The following FYN variants were observed in gnomAD, a reference collection of about 807,000 sequenced individuals.
The protein encoded by FYN is FYN proto-oncogene, Src family tyrosine kinase, also known as tyrosine-protein kinase Fyn.
A neutral mutation model predicts 70.2 loss-of-function variants in FYN; 10 were observed. The observed-to-expected ratio is 0.14, with a 90% confidence interval of 0.09 to 0.24. FYN has a LOEUF of 0.24. FYN is among the 10% of genes least tolerant of loss of function. The probability of loss-of-function intolerance (pLI) is 1.00; values close to 1 mark genes in which losing one functional copy is unlikely to be tolerated. For missense variants in FYN, 319 were observed against 673.1 expected, an observed-to-expected ratio of 0.47 and a Z score of 5.82; for synonymous variants, 236 against 248.6, an observed-to-expected ratio of 0.95 and a Z score of 0.48.
At chr6:111,728,825 T>C (rs1022098942) in intron 3 of FYN, among the ~76,000 whole-genome samples, 10 of 152,202 alleles carry the variant, frequency 6.6e-5, no homozygotes, top group African/African-American at 2.4e-4. Flanking sequence ...AGTTTTTCTG[T>C]GGAGATATGT....
chr6:111,818,789 T>G (rs1772568675), intron 2 of FYN: 1 of 152,252 alleles, frequency 6.6e-6, no homozygotes, highest in East Asian at 1.9e-4. Flanking sequence ...ATGCTGCTGC[T>G]TCTCTAAATT....
At chr6:111,721,430 G>C (rs546658459) in intron 3 of FYN, among the ~76,000 whole-genome samples, 1 of 152,126 alleles carries the variant, frequency 6.6e-6, no homozygotes, top group Admixed American at 6.5e-5. Context: ...TATTAAAGCC[G>C]ATCCCTCCTG....
At chr6:111,775,107 G>A (rs1027677315) in intron 3 of FYN, among the ~76,000 whole-genome samples, 3 of 152,214 alleles carry the variant, frequency 2.0e-5, no homozygotes, top group African/African-American at 4.8e-5. Flanking sequence ...AGGCTGTGGG[G>A]TGGGACCAAC....
At chr6:111,872,171 A>T (rs1420430006) in intron 1 of FYN, among the ~76,000 whole-genome samples, 1 of 152,076 alleles carries the variant, frequency 6.6e-6, no homozygotes, top group African/African-American at 2.4e-5. Flanking sequence ...GTCCCAGCAC[A>T]TCTCTGCTGG....
At chr6:111,662,492 C>CT (rs1491197956) in intron 13 of FYN, among the ~76,000 whole-genome samples, 1 of 152,144 alleles carries the variant, frequency 6.6e-6, no homozygotes, top group Admixed American at 6.5e-5. Flanking sequence ...CTGCCAACCC[C>CT]TGTTCTATAT....
Position 111,826,439 on chromosome 6 carries a change from A to C in FYN, c.-82+20150T>G, listed in dbSNP as rs576708177. ...TGCACATACCATTAAATCATTTAAA[A>C]AGAAAGCCTTCAAAAGGGTAATCTG... On this transcript the variant is annotated intron_variant, in intron 2 of 13. Coordinates refer to ENST00000354650, the MANE Select transcript of FYN (RefSeq NM_002037.5). 1.8e-3 allele frequency among the ~76,000 whole-genome samples: 268 copies of C among 152,302 alleles called. 1 individual carries two copies. The highest frequency in any genetic ancestry group is 6.2e-3 in the African/African-American group (259 of 41,556).
intron 2 of FYN, chr6:111,781,097 T>C (rs1013194778): frequency 6.6e-6 from 1 of 152,178 alleles, no homozygotes; most frequent in Non-Finnish European, 1.5e-5. Context: ...TAGGGATTAC[T>C]GTACTGACCT....
At chr6:111,818,957 T>G (rs1772575874) in intron 2 of FYN, among the ~76,000 whole-genome samples, 1 of 152,184 alleles carries the variant, frequency 6.6e-6, no homozygotes, top group Non-Finnish European at 1.5e-5. Context: ...ACTTGGTGGC[T>G]CTCAAGCTCA....
At chr6:111,797,400 T>C (rs1771839358) in intron 2 of FYN, among the ~76,000 whole-genome samples, 1 of 151,994 alleles carries the variant, frequency 6.6e-6, no homozygotes, top group African/African-American at 2.4e-5. Flanking sequence ...GTATAGAATT[T>C]TTATATTTTC....
At chr6:111,779,331 C>CAAAAAT (rs887155675) in intron 3 of FYN, among the ~76,000 whole-genome samples, 1 of 151,844 alleles carries the variant, frequency 6.6e-6, no homozygotes, top group African/African-American at 2.4e-5. Context: ...AGTCAAAGCT[C>CAAAAAT]AAAAATTTCA....
chr6:111,743,097 G>C (rs1802055331), intron 3 of FYN, among the ~76,000 whole-genome samples: 1 of 151,882 alleles, frequency 6.6e-6, no homozygotes, highest in African/African-American at 2.4e-5. Context: ...CTCCCGAGTA[G>C]CTGGAACTGC....
intron 3 of FYN, among the ~76,000 whole-genome samples, chr6:111,764,230 AAAG>A (rs1803128576): frequency 3.4e-5 from 5 of 145,450 alleles, no homozygotes; most frequent in Admixed American, 2.7e-4. Context: ...AAAAAAAAAA[AAAG>A]AAAAGAAAAA....
At chr6:111,801,184 G>A (rs574120484) in intron 2 of FYN, among the ~76,000 whole-genome samples, 1 of 152,166 alleles carries the variant, frequency 6.6e-6, no homozygotes, top group Non-Finnish European at 1.5e-5. Context: ...GCTGCAGGTG[G>A]CCAAGCAACG....
chr6:111,810,484 A>G (rs947579042), intron 2 of FYN, among the ~76,000 whole-genome samples: 8 of 152,218 alleles, frequency 5.3e-5, no homozygotes, highest in Non-Finnish European at 1.2e-4. Flanking sequence ...TCCTGTGTGA[A>G]CTGTAAATCT....
chr6:111,813,046 T>C (rs1772376088), intron 2 of FYN, among the ~76,000 whole-genome samples: 2 of 152,204 alleles, frequency 1.3e-5, no homozygotes, highest in African/African-American at 2.4e-5. Context: ...TAAACAACTA[T>C]TGAATGAGCA....
intron 2 of FYN, among the ~76,000 whole-genome samples, chr6:111,837,948 C>T (rs1773241533): frequency 6.6e-6 from 1 of 152,196 alleles, no homozygotes; most frequent in Admixed American, 6.5e-5. Flanking sequence ...CACTTTCTTT[C>T]ACTTTACACT....
chr6:111,860,083 G>C (rs971392297), intron 1 of FYN, among the ~76,000 whole-genome samples: 1 of 151,850 alleles, frequency 6.6e-6, no homozygotes, highest in Admixed American at 6.6e-5. Context: ...TCTCCTTCAG[G>C]GACTCCATAA....
At chr6:111,816,264 T>C (rs1042442943) in intron 2 of FYN, among the ~76,000 whole-genome samples, 5 of 152,138 alleles carry the variant, frequency 3.3e-5, no homozygotes, top group Non-Finnish European at 7.4e-5. Context: ...AGGGTTATCT[T>C]TGAGTTAAAT....
At chr6:111,672,387 T>C (rs889402830) in intron 13 of FYN, among the ~76,000 whole-genome samples, 4 of 152,246 alleles carry the variant, frequency 2.6e-5, no homozygotes, top group African/African-American at 9.6e-5. Flanking sequence ...CAGGAGCCGC[T>C]GGAGTTAGTT....
Sources: allele counts gnomAD v4.1 joint callset (sites outside exome capture counted in the v4.1 genomes callset), GRCh38; gene constraint gnomAD v4.1.1; transcripts MANE v1.5; gene names NCBI Gene and HGNC (gene_info 2026-07-23, HGNC 2026-07-21).